Variants in GFI1B observed in about 807,000 individuals in gnomAD.
The protein encoded by GFI1B is growth factor independent 1B transcriptional repressor.
A neutral mutation model predicts 35.3 loss-of-function variants in GFI1B; 20 were observed. The observed-to-expected ratio is 0.57, with a 90% CI of 0.40 to 0.82. GFI1B has a LOEUF of 0.82. Among genes scored for constraint, GFI1B ranks in the 40% least tolerant of loss-of-function variants. GFI1B has a pLI of 0.00. For missense variants in GFI1B, 430 were observed against 446.3 expected (o/e 0.96, Z 0.33); for synonymous variants, 178 against 177.6 (o/e 1.00, Z -0.02).
chr9:132,971,991 T>G, intron 1 of GFI1B, among the ~76,000 whole-genome samples: 1 of 126,978 alleles, frequency 7.9e-6, no homozygotes, highest in African/African-American at 2.9e-5. Context: ...AAAAAAAAAT[T>G]GGGTTGGGTG....
Position 132,986,640 on chromosome 9 carries a change from C to T in GFI1B, c.-20-19C>T. ...GTTCTCTTGTCCTTCCTAACCGCTC[C>T]CATCCCTCCCCCTTGCAGGTGTGGG... On this transcript the variant is annotated intron_variant, in intron 1 of 6. Coordinates refer to ENST00000372122, the MANE Select transcript of GFI1B (RefSeq NM_001377304.1). 1 of 1,290,186 alleles carries T rather than the reference C, an allele frequency of 7.8e-7. No homozygotes were observed. Among genetic ancestry groups the T allele is most frequent in the Non-Finnish European group, 1.1e-6 (1 of 895,550 alleles). 79.9% of individuals were successfully genotyped at this position (1,290,186 alleles called of 1,614,324 possible).
upstream of GFI1B, among the ~76,000 whole-genome samples, chr9:132,975,704 G>A (rs990795724): frequency 2.0e-5 from 3 of 152,228 alleles, no homozygotes; most frequent in Non-Finnish European, 2.9e-5. Flanking sequence ...GGGAAGGAAA[G>A]AGCTGATACA....
In GFI1B at chr9:132,989,879, C is replaced by T. The variant is rs372779350; in HGVS notation, c.786C>T (p.Asp262=). 3.1e-6 allele frequency: 5 copies of T among 1,614,070 alleles called. No individual in the cohort carries two copies. Among genetic ancestry groups the T allele is most frequent in the African/African-American group, 1.3e-5 (1 of 74,926 alleles). The change falls in exon 6 of 7, where the codon GAC becomes GAT. Residue 262 remains aspartate, a synonymous_variant. Coordinates refer to ENST00000372122, the MANE Select transcript of GFI1B (RefSeq NM_001377304.1). This position sits in a 1 kb window ranked among gnomAD's most constrained non-coding sequence, Gnocchi z 6.2. The part of the protein sequence containing the change: ...FCGKRFHQKS[D]MKKHTYIHTG... ...GCAAGCGTTTCCACCAGAAGTCCGACATGAAGAAGCACACCTACATCCACA... is the reference window on the plus strand; with the variant it reads ...GCAAGCGTTTCCACCAGAAGTCCGATATGAAGAAGCACACCTACATCCACA...
Position 132,987,308 on chromosome 9 carries a change from A to T in GFI1B, c.127A>T (p.Ser43Cys). 6.2e-7 allele frequency: 1 copy of T among 1,614,162 alleles called. No individual in the cohort carries two copies. Among genetic ancestry groups the T allele is most frequent in the Non-Finnish European group, 8.5e-7 (1 of 1,179,994 alleles). The change falls in exon 3 of 7, where the codon AGC becomes TGC. Residue 43 changes from serine (S) to cysteine (C), a missense_variant. Transcript: ENST00000372122. ...PVPRDQAPSNSPVLSTLFPNQ... is the reference protein window; with the variant it reads ...PVPRDQAPSNCPVLSTLFPNQ... Reference sequence around the variant, plus strand: ...GCCCAGAGACCAGGCTCCAAGCAACAGCCCTGTCCTTAGCACTCTATTCCC... The same window carrying T: ...GCCCAGAGACCAGGCTCCAAGCAACTGCCCTGTCCTTAGCACTCTATTCCC...
chr9:132,971,156 G>A (rs1358136414), intron 1 of GFI1B, among the ~76,000 whole-genome samples: 2 of 152,166 alleles, frequency 1.3e-5, no homozygotes, highest in East Asian at 1.9e-4. Context: ...GAGCCACTGC[G>A]CCCGGCCCAG....
rs181465402 is a variant in GFI1B at position 132,989,602 on chromosome 9, C to T, written c.649-140C>T. ...AATGAGACTCCAAGCCCCAGTTTCA[C>T]CTCAGAGGCAGAGATGAGGGGTCCC... is the stretch of plus-strand genomic sequence containing the variant. On this transcript the variant is annotated intron_variant, in intron 5 of 6. Transcript: ENST00000372122. This position sits in a 1 kb window ranked among gnomAD's most constrained non-coding sequence, Gnocchi z 6.2. 52 of 644,220 alleles carry T rather than the reference C, an allele frequency of 8.1e-5. No individual in the cohort carries two copies. The highest frequency in any genetic ancestry group is 5.4e-4 in the African/African-American group (30 of 55,164). 39.9% of individuals were successfully genotyped at this position (644,220 alleles called of 1,614,324 possible).
chr9:132,989,514 T>A lies in GFI1B; in HGVS notation c.649-228T>A, dbSNP rs950371930. On this transcript the variant is annotated intron_variant, in intron 5 of 6. Transcript: ENST00000372122. The surrounding 1 kb of genome is among the most constrained non-coding windows in gnomAD (Gnocchi z 6.2). ...AGTCCATCAGTCAATCAACGAACAT[T>A]TATTGAGGTTTATTTTGAGCGGGAT... 2 of 601,900 alleles carry A rather than the reference T, an allele frequency of 3.3e-6. No individual in the cohort carries two copies. The highest frequency in any genetic ancestry group is 5.9e-6 in the Non-Finnish European group (2 of 337,742). The allele number at this position is 601,900 out of a possible 1,614,324, so 37.3% of individuals were successfully genotyped here. A position where few individuals can be genotyped will look rare whatever the true frequency, so the allele number is the denominator to read the frequency against.
chr9:132,955,572 A>G (rs1848269552), intron 1 of GFI1B, among the ~76,000 whole-genome samples: 1 of 152,234 alleles, frequency 6.6e-6, no homozygotes, highest in Non-Finnish European at 1.5e-5. Flanking sequence ...GATTACAGGC[A>G]TTAGCTACTG....
intron 1 of GFI1B, among the ~76,000 whole-genome samples, chr9:132,955,156 C>G (rs1192460325): frequency 6.6e-6 from 1 of 152,120 alleles, no homozygotes; most frequent in Non-Finnish European, 1.5e-5. Context: ...TAAAGAACTT[C>G]CTTTAACATT....
At chr9:132,980,655 T>A (rs985356482) in intron 1 of GFI1B, among the ~76,000 whole-genome samples, 1 of 152,220 alleles carries the variant, frequency 6.6e-6, no homozygotes, top group Admixed American at 6.5e-5. Flanking sequence ...TGAAACTTCA[T>A]ACCTATTACA....
At chr9:132,960,535 G>A (rs1169277435) in intron 1 of GFI1B, among the ~76,000 whole-genome samples, 1 of 151,844 alleles carries the variant, frequency 6.6e-6, no homozygotes, top group Admixed American at 6.6e-5. Context: ...ATCTCGCTTT[G>A]TCCCTGCTTG....
intron 1 of GFI1B, among the ~76,000 whole-genome samples, chr9:132,970,449 G>T (rs949849343): frequency 6.6e-6 from 1 of 152,088 alleles, no homozygotes; most frequent in African/African-American, 2.4e-5. Context: ...ATGCACGCAC[G>T]CACGCACACA....
At chr9:132,958,976 G>C (rs879395512) in intron 1 of GFI1B, among the ~76,000 whole-genome samples, 4 of 152,186 alleles carry the variant, frequency 2.6e-5, no homozygotes, top group Admixed American at 1.3e-4. Flanking sequence ...GAGAGGGCTG[G>C]CCTATTGGGA....
At chr9:132,985,588 G>A (rs928227174) in intron 1 of GFI1B, among the ~76,000 whole-genome samples, 3 of 152,180 alleles carry the variant, frequency 2.0e-5, no homozygotes, top group East Asian at 3.8e-4. Flanking sequence ...AGGCGCAGCC[G>A]TGCTCTGGCG....
chr9:132,987,299 C>T lies in GFI1B; in HGVS notation c.118C>T (p.Pro40Ser), dbSNP rs377661083. Reference sequence around the variant, plus strand: ...CCCCACAGTGCCCAGAGACCAGGCTCCAAGCAACAGCCCTGTCCTTAGCAC... The same window carrying T: ...CCCCACAGTGCCCAGAGACCAGGCTTCAAGCAACAGCCCTGTCCTTAGCAC... ...ALTPVPRDQA[P>S]SNSPVLSTLF... The change falls in exon 3 of 7, where the codon CCA becomes TCA. Residue 40 changes from proline to serine, a missense_variant. Transcript: ENST00000372122. 4.8e-5 allele frequency: 78 copies of T among 1,614,016 alleles called. No individual in the cohort carries two copies. The South Asian group carries it at 5.3e-4, about 11-fold the overall frequency.
upstream of GFI1B, among the ~76,000 whole-genome samples, chr9:132,976,198 A>G (rs1324790225): frequency 6.6e-6 from 1 of 152,176 alleles, no homozygotes; most frequent in African/African-American, 2.4e-5. Flanking sequence ...GGTGAGATAA[A>G]CCATGAAACC....
chr9:132,984,529 G>A (rs987951573), intron 1 of GFI1B, among the ~76,000 whole-genome samples: 1 of 152,208 alleles, frequency 6.6e-6, no homozygotes, highest in Admixed American at 6.5e-5. Context: ...GCTTCTGGGA[G>A]GCTGCTGCAG....
intron 1 of GFI1B, 24 bp from the exon 2 acceptor site, chr9:132,986,635 C>A: frequency 8.2e-7 from 1 of 1,224,008 alleles, no homozygotes; most frequent in South Asian, 1.3e-5. Flanking sequence ...CCTTCCTAAC[C>A]GCTCCCATCC....
upstream of GFI1B, among the ~76,000 whole-genome samples, chr9:132,974,499 G>A (rs1354195734): frequency 5.3e-5 from 8 of 151,264 alleles, no homozygotes; most frequent in Non-Finnish European, 1.0e-4. Flanking sequence ...CTACTCGGGA[G>A]GCTGAGGCAG....
Sources: gnomAD v4.1 joint callset for allele counts (sites outside exome capture counted in the v4.1 genomes callset) on GRCh38, gnomAD v4.1.1 for gene constraint, Gnocchi (gnomAD v3.1) non-coding constraint, MANE v1.5 for transcripts, NCBI Gene and HGNC (gene_info 2026-07-23, HGNC 2026-07-21) for gene names.